FGD6: variants seen among roughly 807,000 people sequenced by gnomAD.
The protein encoded by FGD6 is FYVE, RhoGEF and PH domain containing 6.
In FGD6, 90 loss-of-function variants were observed where a neutral mutation model predicts 149.4. The observed-to-expected ratio is 0.60, with a 90% confidence interval of 0.51 to 0.72. The LOEUF (loss-of-function observed/expected upper bound fraction) is 0.72, where lower values mean the gene tolerates loss of function less well. Among genes scored for constraint, FGD6 ranks in the 30% least tolerant of loss-of-function variants. FGD6 has a pLI of 0.00. For synonymous variants in FGD6, 527 were observed against 584.0 expected (o/e 0.90, Z 1.41); for missense variants, 1,437 against 1,684.8 (o/e 0.85, Z 2.57).
At chr12:95,188,886 C>G (rs1346337538) in intron 2 of FGD6, among the ~76,000 whole-genome samples, 1 of 151,776 alleles carries the variant, frequency 6.6e-6, no homozygotes, top group East Asian at 1.9e-4. Flanking sequence ...TCCCCATCTG[C>G]TCTTCCCACA....
chr12:95,086,665 G>C (rs1413326415), intron 18 of FGD6, among the ~76,000 whole-genome samples: 1 of 145,390 alleles, frequency 6.9e-6, no homozygotes, highest in Admixed American at 7.0e-5. Context: ...TCAGCCTCCC[G>C]AGTAGCTGGG....
At chr12:95,166,329 T>C (rs918332479) in intron 3 of FGD6, among the ~76,000 whole-genome samples, 22 of 152,270 alleles carry the variant, frequency 1.4e-4, no homozygotes, top group African/African-American at 5.3e-4. Context: ...TTAGCACTAT[T>C]GTTTTTCCTT....
chr12:95,084,270 G>A (rs1877787825), intron 20 of FGD6, among the ~76,000 whole-genome samples: 2 of 152,072 alleles, frequency 1.3e-5, no homozygotes, highest in Admixed American at 1.3e-4. Context: ...ACTTTGTATA[G>A]GACTACCTAT....
At chr12:95,163,851 A>T (rs1460685614) in intron 3 of FGD6, among the ~76,000 whole-genome samples, 3 of 152,234 alleles carry the variant, frequency 2.0e-5, no homozygotes, top group Non-Finnish European at 4.4e-5. Context: ...AATGGATTAT[A>T]ATCATCTTCA....
chr12:95,159,938 T>C (rs1166581763), intron 3 of FGD6, among the ~76,000 whole-genome samples: 2 of 152,080 alleles, frequency 1.3e-5, no homozygotes, highest in African/African-American at 4.8e-5. Flanking sequence ...GCCCAGGAGT[T>C]TGAGGCTGCA....
At chr12:95,124,818 G>C (rs1879289457) in intron 8 of FGD6, among the ~76,000 whole-genome samples, 1 of 152,048 alleles carries the variant, frequency 6.6e-6, no homozygotes, top group African/African-American at 2.4e-5. Context: ...TGATATCTGT[G>C]ACTTTATCAC....
chr12:95,114,575 G>A (rs1878950131), intron 8 of FGD6, among the ~76,000 whole-genome samples: 1 of 151,924 alleles, frequency 6.6e-6, no homozygotes, highest in African/African-American at 2.4e-5. Flanking sequence ...CAATAGGTCT[G>A]AAGTTGAGAA....
chr12:95,209,405 A>C lies in FGD6; in HGVS notation c.1879T>G (p.Phe627Val). 1 of 1,613,076 alleles carries C rather than the reference A, an allele frequency of 6.2e-7. No individual in the cohort carries two copies. ...PCKDSTKKNS[F>V]KKLLSMKLSI... ...AGTTTCATGCTGAGCAACTTTTTAA[A>C]AGAGTTTTTCTTTGTAGAGTCTTTG... The change falls in exon 2 of 21, where the codon TTT (phenylalanine) becomes GTT (valine). Residue 627 changes from phenylalanine to valine, a missense_variant. Physicochemically the swap from Phe to Val is conservative, Grantham distance 50. Around this residue, in one of 2 missense-constraint regions of FGD6, gnomAD observed 1,055 missense variants for 1,146.0 expected, o/e 0.92. Coordinates refer to ENST00000343958, the MANE Select transcript of FGD6 (RefSeq NM_018351.4).
In FGD6 at chr12:95,209,097, C is replaced by T. The variant is rs2056707978; in HGVS notation, c.2187G>A (p.Arg729=). 1 of 1,614,106 alleles carries T rather than the reference C, an allele frequency of 6.2e-7. No homozygotes were observed. Among genetic ancestry groups the T allele is most frequent in the Non-Finnish European group, 8.5e-7 (1 of 1,180,034 alleles). The change falls in exon 2 of 21, where the codon CGG becomes CGA. Residue 729 remains arginine, a synonymous_variant. Transcript: ENST00000343958. ...AESLDDQMLS[R]ESSSQAPYKS... ...TGTAAGGTGCCTGAGATGATGACTCCCGGGAGAGCATTTGGTCATCCAAAG... is the reference window on the plus strand; with the variant it reads ...TGTAAGGTGCCTGAGATGATGACTCTCGGGAGAGCATTTGGTCATCCAAAG...
Position 95,208,862 on chromosome 12 carries a change from G to A in FGD6, c.2422C>T (p.Pro808Ser). Reference protein sequence around the residue: ...EAPDGQLQLGPRHQHSSSGAS... With the variant: ...EAPDGQLQLGSRHQHSSSGAS... ...TGTTACCTGGAATGCTGATGTCTGG[G>A]TCCAAGCTGCAGCTGGCCATCTGGA... is the stretch of plus-strand genomic sequence containing the variant. The change falls in exon 2 of 21, where the codon CCC (proline) becomes TCC (serine). Residue 808 changes from proline to serine, a missense_variant. By Grantham distance (74) the Pro-to-Ser change is moderately conservative. This residue lies in a region of FGD6 where 1,055 missense variants were observed against 1,146.0 expected (regional missense o/e 0.92). Transcript: ENST00000343958. 6.2e-7 allele frequency: 1 copy of A among 1,613,140 alleles called. No individual in the cohort carries two copies. Among genetic ancestry groups the A allele is most frequent in the Middle Eastern group, 1.7e-4 (1 of 5,994 alleles).
At chr12:95,172,805 A>G in intron 2 of FGD6, 61 bp from the exon 3 acceptor site, 1 of 1,359,940 alleles carries the variant, frequency 7.4e-7, no homozygotes, top group South Asian at 1.8e-5. Flanking sequence ...TAGCAAAACA[A>G]AAACCAAATC....
intron 1 of FGD6, among the ~76,000 whole-genome samples, chr12:95,215,143 G>C (rs549954935): frequency 6.6e-6 from 1 of 152,266 alleles, no homozygotes; most frequent in African/African-American, 2.4e-5. Flanking sequence ...TTACAGGCTT[G>C]AGCCACTGCG....
intron 6 of FGD6, among the ~76,000 whole-genome samples, chr12:95,140,161 T>A (rs1468502391): frequency 6.6e-6 from 1 of 152,204 alleles, no homozygotes; most frequent in Non-Finnish European, 1.5e-5. Context: ...TTTCTTATTC[T>A]AATCATGTTG....
intron 3 of FGD6, among the ~76,000 whole-genome samples, chr12:95,162,617 G>A (rs1187134686): frequency 6.6e-6 from 1 of 152,108 alleles, no homozygotes; most frequent in African/African-American, 2.4e-5. Flanking sequence ...CTACATATAA[G>A]CACAACTATG....
In FGD6 at chr12:95,207,521, T is replaced by A. The variant is rs147943243; in HGVS notation, c.2441+1322A>T. ...CCAAAAGGGTCCATGTGCTTTTTTG[T>A]TAAACACAAACAAACATTAGAAATA... On this transcript the variant is annotated intron_variant, in intron 2 of 20. Transcript: ENST00000343958. Among the ~76,000 whole-genome samples the A allele has an allele frequency of 3.3e-5, 5 of 152,284 alleles. No homozygotes were observed. The East Asian group carries it at 9.6e-4, about 29-fold the overall frequency.
At chr12:95,190,574 C>T (rs1881559195) in intron 2 of FGD6, among the ~76,000 whole-genome samples, 1 of 151,950 alleles carries the variant, frequency 6.6e-6, no homozygotes, top group African/African-American at 2.4e-5. Flanking sequence ...TTCCAGGGCT[C>T]GGAAAAAACT....
chr12:95,112,279 G>C (rs1878852488), intron 9 of FGD6, among the ~76,000 whole-genome samples: 1 of 150,324 alleles, frequency 6.7e-6, no homozygotes, highest in Non-Finnish European at 1.5e-5. Context: ...TAAAATTAAT[G>C]GACTTGCTTA....
intron 2 of FGD6, among the ~76,000 whole-genome samples, chr12:95,194,074 C>A (rs532007638): frequency 6.6e-6 from 1 of 152,062 alleles, no homozygotes; most frequent in Admixed American, 6.6e-5. Context: ...GCTAGGACTA[C>A]GGGCATGTAC....
At chr12:95,136,156 G>A (rs549611878) in intron 7 of FGD6, among the ~76,000 whole-genome samples, 3 of 152,098 alleles carry the variant, frequency 2.0e-5, no homozygotes, top group South Asian at 4.2e-4. Context: ...TCAGGAGTTC[G>A]AGACCAGCCT....
Sources: allele counts gnomAD v4.1 joint callset (sites outside exome capture counted in the v4.1 genomes callset), GRCh38; gene constraint gnomAD v4.1.1; regional missense constraint gnomAD v4.1.1; transcripts MANE v1.5; gene names NCBI Gene and HGNC (gene_info 2026-07-23, HGNC 2026-07-21).